The following ELOVL5 variants were observed in gnomAD, a reference collection of about 807,000 sequenced individuals.
ELOVL5 encodes the protein ELOVL fatty acid elongase 5.
ELOVL5 carries 8 observed loss-of-function variants against 38.6 expected under a neutral mutation model. That is an observed-to-expected ratio of 0.21 (90% CI 0.12 to 0.37). The LOEUF is 0.37. Ranked by LOEUF, ELOVL5 falls within the 10% of genes least tolerant of loss-of-function variation. The probability of loss-of-function intolerance (pLI) is 1.00; values close to 1 mark genes in which losing one functional copy is unlikely to be tolerated. For synonymous variants in ELOVL5, 127 were observed against 133.7 expected, an observed-to-expected ratio of 0.95 and a Z score of 0.34; for missense variants, 280 against 367.8, an observed-to-expected ratio of 0.76 and a Z score of 1.95.
intron 1 of ELOVL5, among the ~76,000 whole-genome samples, chr6:53,305,146 G>A (rs573483002): frequency 1.3e-5 from 2 of 149,932 alleles, no homozygotes; most frequent in South Asian, 2.1e-4. Flanking sequence ...GGCTCGCCGG[G>A]CAGGGGGCTG....
intron 1 of ELOVL5, among the ~76,000 whole-genome samples, chr6:53,343,825 C>T (rs1032185264): frequency 2.6e-5 from 4 of 152,156 alleles, no homozygotes; most frequent in Admixed American, 6.5e-5. Context: ...AAACCTGTAA[C>T]GTGAAGCTAC....
chr6:53,303,918 T>A (rs1448807903), intron 1 of ELOVL5, among the ~76,000 whole-genome samples: 2 of 152,184 alleles, frequency 1.3e-5, no homozygotes, highest in Non-Finnish European at 2.9e-5. Context: ...TGCCTTCATT[T>A]CCAACCCTTT....
rs61664888 is a variant in ELOVL5, at chr6:53,304,436, CTTTTATTTTA to C, written c.-8-8739_-8-8730del. Among the ~76,000 whole-genome samples, 581 of 150,834 alleles carry C rather than the reference CTTTTATTTTA, an allele frequency of 3.9e-3. 1 individual carries two copies. Among genetic ancestry groups the C allele is most frequent in the African/African-American group, 0.011 (447 of 40,880 alleles). ...TGTACACACACAAACACACACACCT[CTTTTATTTTA>C]TTTTATTTTATTTTATTTTATTGAT... On this transcript the variant is annotated intron_variant, in intron 1 of 7. Transcript: ENST00000304434.
chr6:53,288,090 T>A, intron 3 of ELOVL5: 1 of 728,050 alleles, frequency 1.4e-6, no homozygotes, highest in Non-Finnish European at 2.3e-6. Flanking sequence ...AACAAAGGAG[T>A]TAAAAGTGGC....
chr6:53,303,198 G>T (rs140841753), intron 1 of ELOVL5, among the ~76,000 whole-genome samples: 19 of 152,330 alleles, frequency 1.2e-4, no homozygotes, highest in Non-Finnish European at 2.1e-4. Flanking sequence ...ACACCTTGCT[G>T]AGGAATGTTA....
At chr6:53,279,394 T>C (rs1439664042) in intron 3 of ELOVL5, among the ~76,000 whole-genome samples, 1 of 152,198 alleles carries the variant, frequency 6.6e-6, no homozygotes, top group Non-Finnish European at 1.5e-5. Context: ...TGAGGTCTAT[T>C]CTCCTTCCTC....
chr6:53,323,340 G>A (rs1333272973), intron 1 of ELOVL5, among the ~76,000 whole-genome samples: 3 of 152,124 alleles, frequency 2.0e-5, no homozygotes, highest in Non-Finnish European at 4.4e-5. Flanking sequence ...TAATTACAAC[G>A]TTTATGTGAC....
Position 53,294,778 on chromosome 6 carries a change from T to C in ELOVL5, c.58+864A>G, listed in dbSNP as rs2294859. The stretch of plus-strand genomic sequence containing the variant: ...ACTGACAGGCATCCAGATGATTCCT[T>C]GAAAAACAATGCTGTAATGAGCATC... On this transcript the variant is annotated intron_variant, in intron 2 of 7. Transcript: ENST00000304434. Among the ~76,000 whole-genome samples, 9,491 of 152,248 alleles carry C rather than the reference T, an allele frequency of 0.062. 597 individuals are homozygous for C. Among genetic ancestry groups the C allele is most frequent in the Admixed American group, 0.22 (3,298 of 15,294 alleles).
chr6:53,289,465 T>TC (rs1373269647), intron 3 of ELOVL5, among the ~76,000 whole-genome samples: 9 of 152,180 alleles, frequency 5.9e-5, no homozygotes, highest in Admixed American at 5.2e-4. Flanking sequence ...ACGCCTGTAA[T>TC]CCCTGCACTT....
At chr6:53,348,638 C>T (rs1406868638) in intron 1 of ELOVL5, among the ~76,000 whole-genome samples, 179 bp downstream of exon 1, 1 of 152,214 alleles carries the variant, frequency 6.6e-6, no homozygotes, top group Non-Finnish European at 1.5e-5. Flanking sequence ...GGCTGTACCC[C>T]GGAGCCGGCG....
chr6:53,314,961 C>T (rs1166609134), intron 1 of ELOVL5, among the ~76,000 whole-genome samples: 2 of 152,174 alleles, frequency 1.3e-5, no homozygotes, highest in Non-Finnish European at 2.9e-5. Context: ...TTATGTTTTT[C>T]TCCAATGATT....
chr6:53,272,351 G>T (rs1486268554), intron 6 of ELOVL5, among the ~76,000 whole-genome samples: 1 of 152,032 alleles, frequency 6.6e-6, no homozygotes, highest in Admixed American at 6.6e-5. Context: ...TCCCCAGGCT[G>T]GTCTTAAACT....
intron 1 of ELOVL5, among the ~76,000 whole-genome samples, chr6:53,333,562 G>C (rs1233252257): frequency 6.6e-6 from 1 of 151,964 alleles, no homozygotes; most frequent in Non-Finnish European, 1.5e-5. Context: ...TGTCTTATAG[G>C]GATACTGATT....
intron 1 of ELOVL5, among the ~76,000 whole-genome samples, chr6:53,325,882 A>C (rs1768521671): frequency 6.6e-6 from 1 of 152,220 alleles, no homozygotes; most frequent in Admixed American, 6.5e-5. Context: ...TCGACCAGAA[A>C]ACCAAGTCAG....
At chr6:53,319,898 A>G (rs944895569) in intron 1 of ELOVL5, among the ~76,000 whole-genome samples, 1 of 148,872 alleles carries the variant, frequency 6.7e-6, no homozygotes, top group African/African-American at 2.6e-5. Flanking sequence ...GAGTACTCTC[A>G]TATTATCTGG....
At chr6:53,323,664 C>T (rs1056519571) in intron 1 of ELOVL5, among the ~76,000 whole-genome samples, 2 of 138,142 alleles carry the variant, frequency 1.4e-5, no homozygotes, top group African/African-American at 5.3e-5. Context: ...CTCACCGCAA[C>T]CTCCGCCTCC....
At chr6:53,311,733 A>G (rs1667011146) in intron 1 of ELOVL5, among the ~76,000 whole-genome samples, 1 of 152,204 alleles carries the variant, frequency 6.6e-6, no homozygotes, top group African/African-American at 2.4e-5. Flanking sequence ...GCCAGACACA[A>G]AAGGCCACAG....
intron 5 of ELOVL5, among the ~76,000 whole-genome samples, chr6:53,274,355 T>C (rs1028860411): frequency 6.6e-6 from 1 of 151,934 alleles, no homozygotes; most frequent in Non-Finnish European, 1.5e-5. Flanking sequence ...TGGAATTCCA[T>C]GACACTGTGA....
At chr6:53,284,708 T>A (rs1766496870) in intron 3 of ELOVL5, among the ~76,000 whole-genome samples, 1 of 152,222 alleles carries the variant, frequency 6.6e-6, no homozygotes, top group South Asian at 2.1e-4. Context: ...TGGTACCATT[T>A]TTACAACAGC....
Sources: gnomAD v4.1 joint callset for allele counts (sites outside exome capture counted in the v4.1 genomes callset) on GRCh38, gnomAD v4.1.1 for gene constraint, MANE v1.5 for transcripts, NCBI Gene and HGNC (gene_info 2026-07-23, HGNC 2026-07-21) for gene names.